Variants in INTS10 observed in about 807,000 individuals in gnomAD.
INTS10 encodes the protein chromosome 8 open reading frame 35.
INTS10 carries 44 observed loss-of-function variants against 94.4 expected under a neutral mutation model. The ratio of observed to expected loss-of-function variants is 0.47; its 90% CI spans 0.37 to 0.60. INTS10 has a LOEUF of 0.60. INTS10 is among the 20% of genes least tolerant of loss of function. INTS10 has a pLI of 0.00. For missense variants in INTS10, 797 were observed against 868.7 expected, an observed-to-expected ratio of 0.92 and a Z score of 1.04; for synonymous variants, 341 against 320.7, an observed-to-expected ratio of 1.06 and a Z score of -0.68.
In INTS10 at chr8:19,849,216, G is replaced by C; in HGVS notation, c.1977-2433G>C. On this transcript the variant is annotated intron_variant, in intron 16 of 16. Transcript: ENST00000397977. The surrounding 1 kb of genome is among the most constrained non-coding windows in gnomAD (Gnocchi z 4.6). ...AGCAGGAATTCTTACCTGTGCTTCA[G>C]CCCAGCATACAGACTGCTGACAGGT... 1 of 1,289,562 alleles carries C rather than the reference G, an allele frequency of 7.8e-7. No homozygotes were observed. The highest frequency in any genetic ancestry group is 1.0e-6 in the Non-Finnish European group (1 of 988,704). 79.9% of individuals were successfully genotyped at this position (1,289,562 alleles called of 1,614,324 possible).
Position 19,846,959 on chromosome 8 carries a change from T to C in INTS10, c.1976+1162T>C, listed in dbSNP as rs1281095386. On this transcript the variant is annotated intron_variant, in intron 16 of 16. Transcript: ENST00000397977. This position sits in a 1 kb window ranked among gnomAD's most constrained non-coding sequence, Gnocchi z 4.2. ...TGCTAAAACTAAAAACATTTTTCTT[T>C]TTCCCTCAGTTGTGGAATAAACTAG... 6.6e-6 allele frequency among the ~76,000 whole-genome samples: 1 copy of C among 152,224 alleles called. No homozygotes were observed. Among genetic ancestry groups the C allele is most frequent in the Non-Finnish European group, 1.5e-5 (1 of 68,040 alleles).
intron 5 of INTS10, 70 bp from the exon 6 acceptor site, chr8:19,823,231 C>G (rs2066525586): frequency 1.6e-6 from 2 of 1,225,504 alleles, no homozygotes; most frequent in Non-Finnish European, 2.3e-6. Flanking sequence ...ACTCTGAAAG[C>G]TTTTGTATTT....
At position 19,851,600 on chromosome 8, in the gene INTS10, G is replaced by A. The variant is rs1405282170; in HGVS notation, c.1977-49G>A. 2 of 1,580,802 alleles carry A rather than the reference G, an allele frequency of 1.3e-6. No homozygotes were observed. Among genetic ancestry groups the A allele is most frequent in the African/African-American group, 2.7e-5 (2 of 74,252 alleles). On this transcript the variant is annotated intron_variant, in intron 16 of 16. Transcript: ENST00000397977. The surrounding 1 kb of genome is among the most constrained non-coding windows in gnomAD (Gnocchi z 5.0). ...TACCCAAGTAGCAGCGATCAGCGAT[G>A]CTGGTGCTAACCCCTGGTCTTTGTC...
intron 16 of INTS10, among the ~76,000 whole-genome samples, chr8:19,848,510 T>C (rs575116344): frequency 6.6e-6 from 1 of 152,326 alleles, no homozygotes; most frequent in South Asian, 2.1e-4. Flanking sequence ...ATACTCTGAA[T>C]AGGGTGGATA....
rs1226898865 is a variant in INTS10, at chr8:19,826,472, A to G, written c.1053A>G (p.Val351=). ...TTCCACTGGTTCTTCTTGAAGATGT[A>G]TCGAATGTGTATGGTGATGTAGAAA... ...SQVPLVLLED[V]SNVYGDVEID... Residue 351 remains valine, a synonymous_variant, in exon 9 of 17, where the codon GTA becomes GTG. Coordinates refer to ENST00000397977, the MANE Select transcript of INTS10 (RefSeq NM_018142.4). The G allele has an allele frequency of 6.2e-7, 1 of 1,613,002 alleles. No homozygotes were observed. The highest frequency in any genetic ancestry group is 8.5e-7 in the Non-Finnish European group (1 of 1,179,686).
intron 13 of INTS10, 95 bp from the exon 14 acceptor site, chr8:19,842,753 G>A: frequency 1.4e-6 from 1 of 700,054 alleles, no homozygotes; most frequent in Non-Finnish European, 2.5e-6. Context: ...TCTCTTTTTT[G>A]TTGTTGTTAA....
Position 19,818,295 on chromosome 8 carries a change from G to A in INTS10, c.150G>A (p.Glu50=). The A allele has an allele frequency of 3.1e-6, 5 of 1,614,184 alleles. No individual in the cohort carries two copies. The highest frequency in any genetic ancestry group is 4.2e-6 in the Non-Finnish European group (5 of 1,180,028). Residue 50 remains glutamate (E), a synonymous_variant, in exon 2 of 17, where the codon GAG becomes GAA. Coordinates refer to ENST00000397977, the MANE Select transcript of INTS10 (RefSeq NM_018142.4). ...TGCAGTATGAGATGTACACCATCGA[G>A]CGGAATGCAGAGCGGACCGCCACCG... ...FNIQYEMYTI[E]RNAERTATAG... is the part of the protein sequence containing the mutation.
At chr8:19,818,566 G>A (rs1294046895) in intron 2 of INTS10, 2 of 544,410 alleles carry the variant, frequency 3.7e-6, no homozygotes, top group African/African-American at 1.9e-5. Context: ...TAAAACTTCT[G>A]TTTCATAATT....
chr8:19,822,630 T>C (rs2066467501), intron 5 of INTS10, 110 bp downstream of exon 5: 2 of 647,902 alleles, frequency 3.1e-6, no homozygotes, highest in East Asian at 2.9e-5. Context: ...TTATGTGTTA[T>C]GGCATTTAAG....
intron 10 of INTS10, 32 bp downstream of exon 10, chr8:19,830,591 A>G (rs2067152640): frequency 6.3e-7 from 1 of 1,585,336 alleles, no homozygotes; most frequent in Admixed American, 1.8e-5. Flanking sequence ...GTGCTGTTTG[A>G]TGTTTTATAT....
At chr8:19,822,640 G>T (rs913442053) in intron 5 of INTS10, 120 bp downstream of exon 5, 1 of 601,170 alleles carries the variant, frequency 1.7e-6, no homozygotes, top group African/African-American at 1.9e-5. Flanking sequence ...TGGCATTTAA[G>T]TTCTTTTTTT....
At chr8:19,824,492 TA>T in intron 7 of INTS10, 1 of 140,334 alleles carries the variant, frequency 7.1e-6, no homozygotes, top group African/African-American at 6.7e-5. Context: ...ACCCTGTCTC[TA>T]AAAAAGAAAA....
At chr8:19,841,650 T>C (rs2068131869) in intron 13 of INTS10, among the ~76,000 whole-genome samples, 1 of 152,142 alleles carries the variant, frequency 6.6e-6, no homozygotes, top group Non-Finnish European at 1.5e-5. Context: ...TTGAAGAGGA[T>C]GTGAAGGAAC....
rs141762547 is a variant in INTS10 at position 19,824,169 on chromosome 8, A to G, written c.836+125A>G. ...TTTTGGGCAAATTTTGTGACACTCA[A>G]TGCAAAAGAGGATGGTTTTTCATTT... On this transcript the variant is annotated intron_variant, in intron 7 of 16. Transcript: ENST00000397977. 5,213 of 696,220 alleles carry G rather than the reference A, an allele frequency of 7.5e-3. 121 individuals are homozygous for G. The highest frequency in any genetic ancestry group is 0.048 in the South Asian group (2,304 of 48,104). The allele number at this position is 696,220 out of a possible 1,614,324, so 43.1% of individuals were successfully genotyped here. A position where few individuals can be genotyped will look rare whatever the true frequency, so the allele number is the denominator to read the frequency against.
chr8:19,824,572 T>C (rs2066644770), intron 7 of INTS10: 2 of 455,466 alleles, frequency 4.4e-6, no homozygotes, highest in Admixed American at 4.2e-5. Flanking sequence ...GAACGTCTCC[T>C]AGATACTTCA....
intron 2 of INTS10, among the ~76,000 whole-genome samples, chr8:19,819,257 G>C (rs917210251): frequency 1.3e-5 from 2 of 152,168 alleles, no homozygotes; most frequent in African/African-American, 2.4e-5. Flanking sequence ...CTCTTTGGCT[G>C]TGTGTATTCT....
chr8:19,850,722 T>C (rs868661499), intron 16 of INTS10, among the ~76,000 whole-genome samples: 158 of 152,320 alleles, frequency 1.0e-3, no homozygotes, highest in African/African-American at 3.5e-3. Flanking sequence ...GTCTACCAAA[T>C]TGCTGAACTA....
chr8:19,824,961 C>G lies in INTS10; in HGVS notation c.995C>G (p.Ser332Cys), dbSNP rs2066676265. 1 of 1,613,720 alleles carries G rather than the reference C, an allele frequency of 6.2e-7. No individual in the cohort carries two copies. The part of the protein sequence containing the change: ...AFQYVNSIQP[S>C]LFQGPNAPSQ... ...CAGTATGTCAACAGCATACAGCCAT[C>G]TCTCTTCCAAGGTTGGTTTACAAAT... Residue 332 changes from serine to cysteine, a missense_variant, in exon 8 of 17, where the codon TCT becomes TGT. By Grantham distance (112) the Ser-to-Cys change is moderately radical. Transcript: ENST00000397977.
chr8:19,823,334 A>G lies in INTS10; in HGVS notation c.557A>G (p.His186Arg). 20 of 1,607,354 alleles carry G rather than the reference A, an allele frequency of 1.2e-5. No homozygotes were observed. The highest frequency in any genetic ancestry group is 1.4e-5 in the Non-Finnish European group (16 of 1,174,020). The change falls in exon 6 of 17, where the codon CAT (histidine) becomes CGT (arginine). Residue 186 changes from histidine to arginine, a missense_variant. Around this residue, in one of 3 missense-constraint regions of INTS10, gnomAD observed 734 missense variants for 787.8 expected, o/e 0.93. Transcript: ENST00000397977. ...CDVLPLIINN[H>R]DVRLPANLLY... The stretch of plus-strand genomic sequence containing the variant: ...GTCCTTCCTCTAATAATTAACAACC[A>G]TGATGTTCGATTACCTGCCAATTTA...
Sources: gnomAD v4.1 joint callset for allele counts (sites outside exome capture counted in the v4.1 genomes callset) on GRCh38, gnomAD v4.1.1 for gene constraint, gnomAD v4.1.1 regional missense constraint, Gnocchi (gnomAD v3.1) non-coding constraint, MANE v1.5 for transcripts, NCBI Gene and HGNC (gene_info 2026-07-23, HGNC 2026-07-21) for gene names.